The following RPS14 variants were observed in gnomAD, a reference collection of about 807,000 sequenced individuals.
RPS14 encodes small ribosomal subunit protein uS11.
Under a neutral mutation model 15.4 loss-of-function variants are expected in RPS14, and 1 was observed. The ratio of observed to expected loss-of-function variants is 0.07; its 90% CI spans 0.02 to 0.31. The LOEUF (loss-of-function observed/expected upper bound fraction) is 0.31. Ranked by LOEUF, RPS14 falls within the 10% of genes least tolerant of loss-of-function variation. The probability of loss-of-function intolerance (pLI) is 1.00; values close to 1 mark genes in which losing one functional copy is unlikely to be tolerated. For missense variants in RPS14, 69 were observed against 205.5 expected (o/e 0.34, Z 4.06); for synonymous variants, 68 against 74.4 (o/e 0.91, Z 0.44).
At position 150,442,745 on chromosome 5, in the gene RPS14, G is replaced by A. The variant is rs1581273631; in HGVS notation, c.*1541C>T. 1 of 152,068 alleles carries A rather than the reference G, an allele frequency of 6.6e-6. No individual in the cohort carries two copies. Among genetic ancestry groups the A allele is most frequent in the Non-Finnish European group, 1.5e-5 (1 of 68,014 alleles). The allele number at this position is 152,068 out of a possible 1,614,324, so 9.4% of individuals were successfully genotyped here. ...GATAGGATCTTGCTCTGTGACCCAG[G>A]CTGAATGTAGTGATGCAATCACAGC... is the stretch of plus-strand genomic sequence containing the variant. On this transcript the variant is annotated 3_prime_UTR_variant, in exon 5 of 5. Coordinates refer to ENST00000407193, the MANE Select transcript of RPS14 (RefSeq NM_005617.4).
rs1770974083 is a variant in RPS14, at chr5:150,442,781, C to G, written c.*1505G>C. The G allele has an allele frequency of 6.6e-6, 1 of 152,252 alleles. No homozygotes were observed. 9.4% of individuals were successfully genotyped at this position (152,252 alleles called of 1,614,324 possible). ...TGATGCAATCACAGCTCACTGCGGC[C>G]TCCACTTCCCAGGCTCAGGCAATTC... On this transcript the variant is annotated 3_prime_UTR_variant, in exon 5 of 5. Transcript: ENST00000407193.
chr5:150,444,386 G>C (rs368311073), intron 4 of RPS14, 33 bp from the exon 5 acceptor site: 14 of 1,593,156 alleles, frequency 8.8e-6, no homozygotes, highest in Non-Finnish European at 1.2e-5. Context: ...TCATTGCCTG[G>C]AGCTGGATGG....
chr5:150,445,517 C>A (rs758988470), intron 4 of RPS14, 92 bp downstream of exon 4: 23 of 1,245,104 alleles, frequency 1.8e-5, no homozygotes, highest in Non-Finnish European at 2.7e-5. Flanking sequence ...AGTGACCAGA[C>A]CAGCCGCTGC....
chr5:150,447,730 C>G lies in RPS14; in HGVS notation c.4G>C (p.Ala2Pro). 6.2e-7 allele frequency: 1 copy of G among 1,613,234 alleles called. No homozygotes were observed. The highest frequency in any genetic ancestry group is 2.2e-5 in the East Asian group (1 of 44,842). Residue 2 changes from alanine to proline, a missense_variant, in exon 2 of 5, where the codon GCA (alanine) becomes CCA (proline). Transcript: ENST00000407193. ...TTCTTTTCCTTCCCCTTTCGAGGTG[C>G]CATTTCTGAGTGGAAGGAAAAGAAA... M[A>P]PRKGKEKKEE...
intron 4 of RPS14, 163 bp from the exon 5 acceptor site, chr5:150,444,516 CCA>C: frequency 1.5e-6 from 1 of 681,890 alleles, no homozygotes; most frequent in South Asian, 1.6e-5. Flanking sequence ...GCCCCATCTG[CCA>C]GTTCCTCGAA....
chr5:150,448,355 C>G (rs1771166272), intron 1 of RPS14: 1 of 152,218 alleles, frequency 6.6e-6, no homozygotes, highest in Non-Finnish European at 1.5e-5. Flanking sequence ...TGGAAAAGAC[C>G]CATCTCAGAA....
rs1771016881 is a variant in RPS14 at position 150,444,091 on chromosome 5, G to T, written c.*195C>A. On this transcript the variant is annotated 3_prime_UTR_variant, in exon 5 of 5. Transcript: ENST00000407193. ...CTTTAGATGACCAAGGCAACTTAAT[G>T]CCGCAAGTAGCATGGAAAAGACCCC... is the stretch of plus-strand genomic sequence containing the variant. The T allele has an allele frequency of 1.3e-6, 1 of 750,118 alleles. No individual in the cohort carries two copies. Among genetic ancestry groups the T allele is most frequent in the Non-Finnish European group, 1.9e-6 (1 of 518,562 alleles). The allele number at this position is 750,118 out of a possible 1,614,324, so 46.5% of individuals were successfully genotyped here. A position where few individuals can be genotyped will look rare whatever the true frequency, so the allele number is the denominator to read the frequency against.
rs1228882489 is a variant in RPS14, at chr5:150,444,247, A to G, written c.*39T>C. 1 of 1,591,760 alleles carries G rather than the reference A, an allele frequency of 6.3e-7. No homozygotes were observed. The highest frequency in any genetic ancestry group is 1.7e-5 in the Admixed American group (1 of 58,978). On this transcript the variant is annotated 3_prime_UTR_variant, in exon 5 of 5. Coordinates refer to ENST00000407193, the MANE Select transcript of RPS14 (RefSeq NM_005617.4). ...GCTGGAGTTGAAACAGTTTACATGAAGGCAATTTATTAACAGAAAATATTT... is the reference window on the plus strand; with the variant it reads ...GCTGGAGTTGAAACAGTTTACATGAGGGCAATTTATTAACAGAAAATATTT...
chr5:150,445,860 C>T (rs1189055775), intron 3 of RPS14, among the ~76,000 whole-genome samples, 175 bp from the exon 4 acceptor site: 2 of 152,184 alleles, frequency 1.3e-5, no homozygotes, highest in African/African-American at 4.8e-5. Context: ...GAGGCTAAGG[C>T]AGGGCGGACT....
intron 1 of RPS14, chr5:150,448,448 G>GGA (rs752260766): frequency 6.6e-6 from 1 of 152,174 alleles, no homozygotes; most frequent in African/African-American, 2.4e-5. Flanking sequence ...AAGATCTAAG[G>GGA]GAGAGAGAAA....
chr5:150,444,523 C>T, intron 4 of RPS14, 170 bp from the exon 5 acceptor site: 1 of 676,218 alleles, frequency 1.5e-6, no homozygotes, highest in Non-Finnish European at 2.7e-6. Context: ...CTGCCAGTTC[C>T]TCGAATTTCC....
At chr5:150,444,424 A>C in intron 4 of RPS14, 71 bp from the exon 5 acceptor site, 2 of 1,285,424 alleles carry the variant, frequency 1.6e-6, no homozygotes, top group South Asian at 1.2e-5. Context: ...CCCTAGACCA[A>C]TGGCCTAACC....
chr5:150,445,715 G>GC (rs1342599333), intron 3 of RPS14, 30 bp from the exon 4 acceptor site: 2 of 1,559,846 alleles, frequency 1.3e-6, no homozygotes, highest in African/African-American at 2.7e-5. Flanking sequence ...GTTAAGAAGA[G>GC]CCTTTGGCCA....
At chr5:150,447,033 A>T (rs564951444) in intron 2 of RPS14, 70 bp from the exon 3 acceptor site, 2 of 1,557,614 alleles carry the variant, frequency 1.3e-6, no homozygotes, top group East Asian at 4.5e-5. Context: ...CTAATGAGTG[A>T]AGAGCAACAC....
At chr5:150,447,376 G>A in intron 2 of RPS14, 1 of 592,406 alleles carries the variant, frequency 1.7e-6, no homozygotes, top group Middle Eastern at 4.6e-4. Flanking sequence ...AGGATTCAAT[G>A]ACCATCACGC....
At position 150,447,755 on chromosome 5, in the gene RPS14, A is replaced by T; in HGVS notation, c.-2-20T>A. 6.2e-7 allele frequency: 1 copy of T among 1,610,368 alleles called. No homozygotes were observed. Among genetic ancestry groups the T allele is most frequent in the South Asian group, 1.1e-5 (1 of 90,946 alleles). ...CCATTTCTGAGTGGAAGGAAAAGAAACTCAAGGTTAACAGACAAAACATTT... is the reference window on the plus strand; with the variant it reads ...CCATTTCTGAGTGGAAGGAAAAGAATCTCAAGGTTAACAGACAAAACATTT... On this transcript the variant is annotated intron_variant, in intron 1 of 4. Coordinates refer to ENST00000407193, the MANE Select transcript of RPS14 (RefSeq NM_005617.4).
chr5:150,444,438 C>A, intron 4 of RPS14, 85 bp from the exon 5 acceptor site: 1 of 1,093,376 alleles, frequency 9.1e-7, no homozygotes, highest in South Asian at 1.3e-5. Context: ...CCTAACCAAT[C>A]AGCAACAGAT....
At chr5:150,447,030 G>A in intron 2 of RPS14, 67 bp from the exon 3 acceptor site, 1 of 1,564,970 alleles carries the variant, frequency 6.4e-7, no homozygotes. Context: ...ATCCTAATGA[G>A]TGAAGAGCAA....
chr5:150,444,857 G>A (rs146317137), intron 4 of RPS14, among the ~76,000 whole-genome samples: 1,577 of 105,698 alleles, frequency 0.015, 31 homozygotes, highest in African/African-American at 0.043. Flanking sequence ...GAAACTCCCC[G>A]CTACAAAAAA....
Sources: allele counts gnomAD v4.1 joint callset (sites outside exome capture counted in the v4.1 genomes callset), GRCh38; gene constraint gnomAD v4.1.1; transcripts MANE v1.5; gene names NCBI Gene and HGNC (gene_info 2026-07-23, HGNC 2026-07-21).